TEAD1: variants seen among roughly 807,000 people sequenced by gnomAD.
TEAD1 encodes the protein transcriptional enhancer factor TEF-1.
In TEAD1, 9 loss-of-function variants were observed where a neutral mutation model predicts 54.9. The observed-to-expected ratio is 0.16, with a 90% confidence interval of 0.10 to 0.29. The LOEUF (loss-of-function observed/expected upper bound fraction) is 0.29. Among genes scored for constraint, TEAD1 ranks in the 10% least tolerant of loss-of-function variants. TEAD1 has a pLI of 1.00. For synonymous variants in TEAD1, 200 were observed against 187.8 expected (o/e 1.07, Z -0.53); for missense variants, 387 against 535.9 (o/e 0.72, Z 2.74).
At chr11:12,698,525 T>A (rs57110384) in intron 2 of TEAD1, among the ~76,000 whole-genome samples, 9,718 of 151,806 alleles carry the variant, frequency 0.064, 1,011 homozygotes, top group African/African-American at 0.22. Flanking sequence ...TTTTTTTTTT[T>A]AAATATTGAT....
In TEAD1 at chr11:12,788,033, G is replaced by A. The variant is rs1461636821; in HGVS notation, c.202+23599G>A. Among the ~76,000 whole-genome samples, 8 of 150,214 alleles carry A rather than the reference G, an allele frequency of 5.3e-5. No individual in the cohort carries two copies. In the Admixed American group the frequency reaches 5.3e-4, roughly 10 times the overall value. ...GCTGGAGTGCAATGACTCAGTCTCA[G>A]CTCACTGCAACCTCCGCCTCCAGAG... On this transcript the variant is annotated intron_variant, in intron 3 of 12. Coordinates refer to ENST00000527636, the MANE Select transcript of TEAD1 (RefSeq NM_021961.6).
intron 10 of TEAD1, among the ~76,000 whole-genome samples, chr11:12,920,654 T>G (rs1330493146): frequency 6.6e-6 from 1 of 152,262 alleles, no homozygotes; most frequent in Non-Finnish European, 1.5e-5. Context: ...TGCATTTGAT[T>G]ATTTACTAGT....
chr11:12,823,560 C>G (rs567644890), intron 3 of TEAD1: 1 of 152,328 alleles, frequency 6.6e-6, no homozygotes, highest in South Asian at 2.1e-4. Flanking sequence ...ACAAGAGATG[C>G]TTTTTCTAGT....
intron 2 of TEAD1, among the ~76,000 whole-genome samples, chr11:12,689,287 C>T (rs1467503130): frequency 6.6e-6 from 1 of 152,164 alleles, no homozygotes; most frequent in Non-Finnish European, 1.5e-5. Flanking sequence ...AATCTGTTGG[C>T]TTATAGAGTT....
chr11:12,897,192 CT>C (rs898575402), intron 9 of TEAD1, among the ~76,000 whole-genome samples: 6 of 152,116 alleles, frequency 3.9e-5, no homozygotes, highest in African/African-American at 1.4e-4. Flanking sequence ...TAGAATTGCC[CT>C]TTTTTTGTTT....
At chr11:12,696,363 G>A (rs966476184) in intron 2 of TEAD1, among the ~76,000 whole-genome samples, 1 of 152,196 alleles carries the variant, frequency 6.6e-6, no homozygotes, top group African/African-American at 2.4e-5. Flanking sequence ...AGCAATCCCA[G>A]TTTGTCTTTG....
intron 2 of TEAD1, among the ~76,000 whole-genome samples, chr11:12,706,770 A>G (rs1294705088): frequency 6.6e-6 from 1 of 152,118 alleles, no homozygotes; most frequent in African/African-American, 2.4e-5. Flanking sequence ...ATGTCCTTCT[A>G]CGGTTCATGA....
At chr11:12,780,706 A>T (rs117542580) in intron 3 of TEAD1, among the ~76,000 whole-genome samples, 1 of 152,362 alleles carries the variant, frequency 6.6e-6, no homozygotes, top group East Asian at 1.9e-4. Flanking sequence ...AATAAATTAA[A>T]TAACCGAATA....
At chr11:12,817,476 C>T (rs1038199762) in intron 3 of TEAD1, among the ~76,000 whole-genome samples, 10 of 151,990 alleles carry the variant, frequency 6.6e-5, no homozygotes, top group East Asian at 3.9e-4. Flanking sequence ...TTTTTGTGAA[C>T]GGAGTGTTTA....
intron 2 of TEAD1, among the ~76,000 whole-genome samples, chr11:12,727,344 A>G (rs1341968794): frequency 6.6e-6 from 1 of 152,152 alleles, no homozygotes; most frequent in East Asian, 1.9e-4. Context: ...AGGCAGCTCC[A>G]TTGTTGGAGT....
At chr11:12,907,702 T>A (rs1948544272) in intron 10 of TEAD1, among the ~76,000 whole-genome samples, 1 of 152,200 alleles carries the variant, frequency 6.6e-6, no homozygotes, top group African/African-American at 2.4e-5. Flanking sequence ...ATACTTGATA[T>A]TATTTAATCC....
chr11:12,863,944 A>G (rs1464653630), intron 4 of TEAD1, among the ~76,000 whole-genome samples: 15 of 152,114 alleles, frequency 9.9e-5, no homozygotes, highest in Non-Finnish European at 1.6e-4. Flanking sequence ...TGTGGTTTTC[A>G]ACCCAGATTT....
intron 5 of TEAD1, 85 bp downstream of exon 5, chr11:12,864,985 G>C: frequency 6.8e-7 from 1 of 1,464,468 alleles, no homozygotes; most frequent in Non-Finnish European, 9.6e-7. Context: ...GCCTGGTGCT[G>C]GGATTCTCGT....
intron 3 of TEAD1, among the ~76,000 whole-genome samples, chr11:12,803,903 C>T (rs1052669946): frequency 4.6e-5 from 7 of 152,226 alleles, no homozygotes; most frequent in Non-Finnish European, 7.3e-5. Flanking sequence ...TGTCCTGAAG[C>T]AGCGTTGTGG....
rs11316523 is a variant in TEAD1, at chr11:12,883,993, C to CAA, written c.699+883_699+884dup. 5.4e-5 allele frequency among the ~76,000 whole-genome samples: 7 copies of CAA among 128,446 alleles called. No individual in the cohort carries two copies. The East Asian group carries it at 1.0e-3, about 19-fold the overall frequency. 84.3% of individuals were successfully genotyped at this position (128,446 alleles called of 152,430 possible). ...CTGGCGACAGAGCGAGACTCCGTCT[C>CAA]AAAAAAAAAAAAAAAAGAAGAAGTA... On this transcript the variant is annotated intron_variant, in intron 9 of 12. Transcript: ENST00000527636.
At chr11:12,698,751 A>G (rs1262329984) in intron 2 of TEAD1, among the ~76,000 whole-genome samples, 1 of 152,172 alleles carries the variant, frequency 6.6e-6, no homozygotes, top group Non-Finnish European at 1.5e-5. Context: ...GACCTGCTGA[A>G]TTAGAATCTG....
intron 3 of TEAD1, among the ~76,000 whole-genome samples, chr11:12,775,039 TATATC>T (rs1945390984): frequency 6.6e-6 from 1 of 152,182 alleles, no homozygotes. Flanking sequence ...AAAAGGAAGT[TATATC>T]ATATTTTAAA....
At chr11:12,703,527 C>T (rs1943747053) in intron 2 of TEAD1, among the ~76,000 whole-genome samples, 1 of 152,224 alleles carries the variant, frequency 6.6e-6, no homozygotes, top group Non-Finnish European at 1.5e-5. Context: ...GTTCCTCCCT[C>T]CTTTACCTGG....
At chr11:12,729,157 TA>T (rs1281566153) in intron 2 of TEAD1, among the ~76,000 whole-genome samples, 3 of 152,212 alleles carry the variant, frequency 2.0e-5, no homozygotes, top group Non-Finnish European at 4.4e-5. Flanking sequence ...CATATATAGT[TA>T]TTGAATGAGT....
Sources: allele counts gnomAD v4.1 joint callset (sites outside exome capture counted in the v4.1 genomes callset), GRCh38; gene constraint gnomAD v4.1.1; transcripts MANE v1.5; gene names NCBI Gene and HGNC (gene_info 2026-07-23, HGNC 2026-07-21).